The following XRCC4 variants were observed in gnomAD, a reference collection of about 807,000 sequenced individuals.
The protein encoded by XRCC4 is X-ray repair cross complementing 4, also known as DNA repair protein XRCC4.
A neutral mutation model predicts 39.1 loss-of-function variants in XRCC4; 28 were observed. The observed-to-expected ratio is 0.72, with a 90% confidence interval of 0.53 to 0.98. The LOEUF is 0.98. XRCC4 is among the 50% of genes least tolerant of loss of function. The pLI is 0.00. For missense variants in XRCC4, 350 were observed against 376.4 expected (o/e 0.93, Z 0.58); for synonymous variants, 123 against 126.4 (o/e 0.97, Z 0.18).
rs1554069839 is a variant in XRCC4, at chr5:83,262,858, T to TA, written c.893+4182dup. On this transcript the variant is annotated intron_variant, in intron 7 of 7. Transcript: ENST00000396027. ...ACAGTCTTTTTTTTTTTTTTTTTTT[T>TA]ATACTTTAAGTTTCTGGGTACATGT... Among the ~76,000 whole-genome samples, 109 of 146,706 alleles carry TA rather than the reference T, an allele frequency of 7.4e-4. 1 individual carries two copies. The East Asian group carries it at 0.02, about 26-fold the overall frequency.
chr5:83,154,004 T>A (rs1048904601), intron 3 of XRCC4, among the ~76,000 whole-genome samples: 1 of 152,200 alleles, frequency 6.6e-6, no homozygotes, highest in African/African-American at 2.4e-5. Context: ...TGCTGTGCAC[T>A]CTGGAGAAAG....
intron 4 of XRCC4, among the ~76,000 whole-genome samples, chr5:83,198,496 C>CA (rs1187630612): frequency 1.3e-5 from 2 of 151,366 alleles, no homozygotes; most frequent in Non-Finnish European, 2.9e-5. Flanking sequence ...CCATTGTTTG[C>CA]AAAAAAATAT....
chr5:83,215,634 A>T (rs74942346), intron 6 of XRCC4, among the ~76,000 whole-genome samples: 1 of 152,224 alleles, frequency 6.6e-6, no homozygotes, highest in East Asian at 1.9e-4. Flanking sequence ...CACTGATAAA[A>T]TGAGAATCTA....
intron 1 of XRCC4, among the ~76,000 whole-genome samples, chr5:83,103,256 C>G (rs557238162): frequency 6.6e-6 from 1 of 151,858 alleles, no homozygotes; most frequent in African/African-American, 2.4e-5. Flanking sequence ...TCTGTTTGTT[C>G]AAGTAATGAA....
At chr5:83,134,050 G>A (rs994139995) in intron 3 of XRCC4, among the ~76,000 whole-genome samples, 3 of 152,210 alleles carry the variant, frequency 2.0e-5, no homozygotes, top group Non-Finnish European at 4.4e-5. Flanking sequence ...CTTCACGGCC[G>A]GCTAGCTCCT....
intron 3 of XRCC4, among the ~76,000 whole-genome samples, chr5:83,129,715 G>A (rs1351822925): frequency 6.6e-6 from 1 of 151,924 alleles, no homozygotes; most frequent in Non-Finnish European, 1.5e-5. Context: ...GTATTCCTAG[G>A]TATTTTATTC....
intron 7 of XRCC4, among the ~76,000 whole-genome samples, chr5:83,272,550 G>A (rs960650798): frequency 2.6e-5 from 4 of 152,040 alleles, no homozygotes; most frequent in Non-Finnish European, 5.9e-5. Context: ...TATGCATTAG[G>A]TATTTGTCCT....
intron 7 of XRCC4, among the ~76,000 whole-genome samples, chr5:83,292,041 T>C (rs1408242750): frequency 4.6e-5 from 7 of 151,184 alleles, no homozygotes; most frequent in African/African-American, 1.7e-4. Context: ...AAATGAGATA[T>C]CAAGAAAGGT....
At chr5:83,181,721 G>A (rs28360105) in intron 3 of XRCC4, among the ~76,000 whole-genome samples, 6,610 of 152,190 alleles carry the variant, frequency 0.043, 189 homozygotes, top group Non-Finnish European at 0.067. Context: ...ACAGGAAGAG[G>A]CTACCACACC....
chr5:83,163,732 A>G (rs1429448994), intron 3 of XRCC4, among the ~76,000 whole-genome samples: 1 of 152,196 alleles, frequency 6.6e-6, no homozygotes, highest in Non-Finnish European at 1.5e-5. Context: ...TCATCCACAT[A>G]TAATATGAGG....
intron 3 of XRCC4, among the ~76,000 whole-genome samples, chr5:83,131,181 A>T (rs1747558318): frequency 6.6e-6 from 1 of 152,086 alleles, no homozygotes; most frequent in Non-Finnish European, 1.5e-5. Context: ...CTTTGTTCTC[A>T]TTGGTTTCAA....
intron 6 of XRCC4, among the ~76,000 whole-genome samples, chr5:83,248,518 T>G (rs1465103802): frequency 6.6e-6 from 1 of 152,178 alleles, no homozygotes; most frequent in African/African-American, 2.4e-5. Context: ...CAAGACTGAT[T>G]CCATCTTTGG....
intron 3 of XRCC4, among the ~76,000 whole-genome samples, chr5:83,172,925 G>C (rs1053733490): frequency 1.3e-5 from 2 of 151,996 alleles, no homozygotes; most frequent in African/African-American, 4.8e-5. Context: ...TTCAGTGGCT[G>C]TTCTTAGTGA....
chr5:83,180,332 G>A lies in XRCC4; in HGVS notation c.316-15438G>A, dbSNP rs538263167. Among the ~76,000 whole-genome samples, 4 of 152,120 alleles carry A rather than the reference G, an allele frequency of 2.6e-5. No homozygotes were observed. In the South Asian group the frequency reaches 8.3e-4, roughly 32 times the overall value. Reference sequence around the variant, plus strand: ...AGTCAGAGATAAGAGTGATATGAGGGTAAAAGGTTATAGTCAGAGTGGGGA... The same window carrying A: ...AGTCAGAGATAAGAGTGATATGAGGATAAAAGGTTATAGTCAGAGTGGGGA... On this transcript the variant is annotated intron_variant, in intron 3 of 7. Coordinates refer to ENST00000396027, the MANE Select transcript of XRCC4 (RefSeq NM_003401.5).
At chr5:83,206,448 T>G (rs1341908549) in intron 6 of XRCC4, among the ~76,000 whole-genome samples, 2 of 152,072 alleles carry the variant, frequency 1.3e-5, no homozygotes, top group Non-Finnish European at 2.9e-5. Context: ...TCCTGCTGAT[T>G]GATGGATTTA....
chr5:83,275,420 A>G (rs200511905), intron 7 of XRCC4, among the ~76,000 whole-genome samples: 2 of 148,974 alleles, frequency 1.3e-5, no homozygotes, highest in South Asian at 4.3e-4. Context: ...TCAGCCTCCC[A>G]AGTAGCTGGG....
chr5:83,114,772 C>A (rs1464102745), intron 3 of XRCC4, among the ~76,000 whole-genome samples: 3 of 152,190 alleles, frequency 2.0e-5, no homozygotes, highest in Non-Finnish European at 4.4e-5. Context: ...AAGTTTCTTT[C>A]ACATTTTCGG....
At chr5:83,264,845 A>G (rs1236088431) in intron 7 of XRCC4, among the ~76,000 whole-genome samples, 1 of 152,174 alleles carries the variant, frequency 6.6e-6, no homozygotes, top group Non-Finnish European at 1.5e-5. Context: ...AATACTTTAT[A>G]TATAGAGAGA....
At chr5:83,248,788 G>A (rs181062191) in intron 6 of XRCC4, among the ~76,000 whole-genome samples, 15 of 152,098 alleles carry the variant, frequency 9.9e-5, no homozygotes, top group African/African-American at 3.6e-4. Flanking sequence ...CTGATTTTGA[G>A]TATAAATAAC....
Sources: allele counts gnomAD v4.1 joint callset (sites outside exome capture counted in the v4.1 genomes callset), GRCh38; gene constraint gnomAD v4.1.1; transcripts MANE v1.5; gene names NCBI Gene and HGNC (gene_info 2026-07-23, HGNC 2026-07-21).